The following MTUS2 variants were observed in gnomAD, a reference collection of about 807,000 sequenced individuals.
The protein encoded by MTUS2 is microtubule associated scaffold protein 2, also known as microtubule-associated tumor suppressor candidate 2.
A neutral mutation model predicts 114.1 loss-of-function variants in MTUS2; 40 were observed. The ratio of observed to expected loss-of-function variants is 0.35; its 90% CI spans 0.27 to 0.46. The LOEUF (loss-of-function observed/expected upper bound fraction) is 0.46, where lower values mean the gene tolerates loss of function less well. Among genes scored for constraint, MTUS2 ranks in the 20% least tolerant of loss-of-function variants. The pLI, the probability that MTUS2 is intolerant of heterozygous loss-of-function variation, is 1.00. For synonymous variants in MTUS2, 688 were observed against 672.0 expected (o/e 1.02, Z -0.37); for missense variants, 1,679 against 1,705.4 (o/e 0.98, Z 0.27).
intron 5 of MTUS2, among the ~76,000 whole-genome samples, chr13:29,192,568 T>TGA (rs779405004): frequency 1.3e-5 from 2 of 152,126 alleles, no homozygotes; most frequent in Non-Finnish European, 2.9e-5. Context: ...CACAAAGAAA[T>TGA]GATAAATGTT....
chr13:29,370,384 C>T (rs552727567), intron 8 of MTUS2, among the ~76,000 whole-genome samples: 36 of 151,988 alleles, frequency 2.4e-4, no homozygotes, highest in African/African-American at 8.7e-4. Flanking sequence ...ATCACTTGAG[C>T]CCAGGATGCA....
At chr13:29,017,590 T>C (rs1886119716) in intron 2 of MTUS2, among the ~76,000 whole-genome samples, 1 of 152,156 alleles carries the variant, frequency 6.6e-6, no homozygotes, top group Non-Finnish European at 1.5e-5. Flanking sequence ...ATGATCAGAA[T>C]ATACTTTTCT....
At chr13:29,268,226 G>A (rs1003456805) in intron 5 of MTUS2, among the ~76,000 whole-genome samples, 1 of 152,076 alleles carries the variant, frequency 6.6e-6, no homozygotes. Flanking sequence ...AATGAGGAAG[G>A]GACAATAAGC....
intron 5 of MTUS2, among the ~76,000 whole-genome samples, chr13:29,128,690 C>G (rs1236049485): frequency 6.6e-6 from 1 of 151,914 alleles, no homozygotes; most frequent in Non-Finnish European, 1.5e-5. Flanking sequence ...TCTTTATCTT[C>G]TAATCATTAT....
chr13:29,223,339 C>T (rs1895982092), intron 5 of MTUS2, among the ~76,000 whole-genome samples: 1 of 152,060 alleles, frequency 6.6e-6, no homozygotes, highest in African/African-American at 2.4e-5. Context: ...GTGGAGCTAC[C>T]CACTGTGGGC....
At chr13:29,075,939 A>G (rs969606650) in intron 4 of MTUS2, among the ~76,000 whole-genome samples, 2 of 152,014 alleles carry the variant, frequency 1.3e-5, no homozygotes, top group Non-Finnish European at 2.9e-5. Context: ...TTATCCTTCT[A>G]CTCTTACACT....
At position 29,257,391 on chromosome 13, in the gene MTUS2, G is replaced by T. The variant is rs544415854; in HGVS notation, c.2645-24313G>T. The stretch of plus-strand genomic sequence containing the variant: ...CATCTTCTGCTACCTTCCTAGAATA[G>T]TTTCCTGTGGTTTTGATGCCTGAGC... On this transcript the variant is annotated intron_variant, in intron 5 of 15. Coordinates refer to ENST00000612955, the MANE Select transcript of MTUS2 (RefSeq NM_001033602.4). Among the ~76,000 whole-genome samples the T allele has an allele frequency of 2.6e-5, 4 of 152,318 alleles. No homozygotes were observed. In the South Asian group the frequency reaches 8.3e-4, roughly 32 times the overall value.
chr13:28,975,931 A>G (rs1884075560), intron 2 of MTUS2, among the ~76,000 whole-genome samples: 1 of 152,188 alleles, frequency 6.6e-6, no homozygotes, highest in African/African-American at 2.4e-5. Context: ...TTCCACTGTG[A>G]CAAGCAAGGG....
intron 2 of MTUS2, among the ~76,000 whole-genome samples, chr13:28,931,005 TG>T (rs550976790): frequency 3.2e-4 from 49 of 152,354 alleles, no homozygotes; most frequent in African/African-American, 1.1e-3. Flanking sequence ...ACCTGGGTCA[TG>T]GTTTTAACTA....
At chr13:29,422,881 T>C (rs1876226937) in intron 8 of MTUS2, among the ~76,000 whole-genome samples, 1 of 152,158 alleles carries the variant, frequency 6.6e-6, no homozygotes, top group African/African-American at 2.4e-5. Flanking sequence ...ATACCTGCCT[T>C]GGCCTCCCAA....
intron 2 of MTUS2, among the ~76,000 whole-genome samples, chr13:28,959,903 C>G (rs778452443): frequency 4.6e-5 from 7 of 152,228 alleles, no homozygotes; most frequent in Non-Finnish European, 1.0e-4. Context: ...CCCATTTCTT[C>G]TGCCAGAGCA....
intron 2 of MTUS2, among the ~76,000 whole-genome samples, chr13:28,846,055 A>AAAATAT (rs140946282): frequency 1.6e-3 from 229 of 143,164 alleles, no homozygotes; most frequent in African/African-American, 5.3e-3. Context: ...TTAAAAAAAA[A>AAAATAT]ATATATATAT....
intron 2 of MTUS2, among the ~76,000 whole-genome samples, chr13:28,847,062 T>G (rs950202062): frequency 6.6e-6 from 1 of 152,152 alleles, no homozygotes; most frequent in Non-Finnish European, 1.5e-5. Context: ...GTTCTCATAG[T>G]TTTAATTGGG....
In MTUS2 at chr13:29,292,169, T is replaced by G. The variant is rs545363527; in HGVS notation, c.2806+10304T>G. Among the ~76,000 whole-genome samples the G allele has an allele frequency of 3.3e-5, 5 of 152,346 alleles. No individual in the cohort carries two copies. The South Asian group carries it at 1.0e-3, about 32-fold the overall frequency. ...CTGAGATAACACTAACTCTTACTGTTTTAACCCTTGTTGGAAACACTTCTC... is the reference window on the plus strand; with the variant it reads ...CTGAGATAACACTAACTCTTACTGTGTTAACCCTTGTTGGAAACACTTCTC... On this transcript the variant is annotated intron_variant, in intron 6 of 15. Coordinates refer to ENST00000612955, the MANE Select transcript of MTUS2 (RefSeq NM_001033602.4).
At chr13:29,326,705 G>C (rs1411080608) in intron 7 of MTUS2, among the ~76,000 whole-genome samples, 1 of 152,202 alleles carries the variant, frequency 6.6e-6, no homozygotes, top group Non-Finnish European at 1.5e-5. Context: ...CCAGAGCCAG[G>C]CGTGGTGGCT....
At chr13:28,948,916 C>T (rs1382753935) in intron 2 of MTUS2, among the ~76,000 whole-genome samples, 2 of 152,080 alleles carry the variant, frequency 1.3e-5, no homozygotes, top group African/African-American at 2.4e-5. Context: ...AGTGGGTCCC[C>T]CTTTGGACTT....
chr13:29,218,047 G>T (rs1267406132), intron 5 of MTUS2, among the ~76,000 whole-genome samples: 1 of 151,924 alleles, frequency 6.6e-6, no homozygotes, highest in Non-Finnish European at 1.5e-5. Context: ...AGTCCAGGAG[G>T]TCATGGCTGC....
chr13:29,186,237 A>T (rs947713040), intron 5 of MTUS2, among the ~76,000 whole-genome samples: 3 of 152,202 alleles, frequency 2.0e-5, no homozygotes, highest in Non-Finnish European at 4.4e-5. Flanking sequence ...TTAAATTGTT[A>T]AAGATAGAAT....
chr13:29,255,222 A>G (rs1234094630), intron 5 of MTUS2, among the ~76,000 whole-genome samples: 1 of 152,178 alleles, frequency 6.6e-6, no homozygotes, highest in Non-Finnish European at 1.5e-5. Flanking sequence ...TTCTGAGCAG[A>G]GCAGAGACGG....
Sources: gnomAD v4.1 joint callset for allele counts (sites outside exome capture counted in the v4.1 genomes callset) on GRCh38, gnomAD v4.1.1 for gene constraint, MANE v1.5 for transcripts, NCBI Gene and HGNC (gene_info 2026-07-23, HGNC 2026-07-21) for gene names.